The following TOP1MT variants were observed in gnomAD, a reference collection of about 807,000 sequenced individuals.
The protein encoded by TOP1MT is DNA topoisomerase I mitochondrial, also known as DNA topoisomerase I, mitochondrial.
A neutral mutation model predicts 73.9 loss-of-function variants in TOP1MT; 80 were observed. The observed-to-expected ratio is 1.08, with a 90% CI of 0.90 to 1.30. The LOEUF (loss-of-function observed/expected upper bound fraction) is 1.30, where lower values mean the gene tolerates loss of function less well. Ranked by LOEUF, TOP1MT falls within the 50% of genes most tolerant of loss-of-function variation. The pLI is 0.00. For missense variants in TOP1MT, 815 were observed against 808.0 expected, an observed-to-expected ratio of 1.01 and a Z score of -0.10; for synonymous variants, 338 against 326.4, an observed-to-expected ratio of 1.04 and a Z score of -0.38.
chr8:143,357,938 A>G (rs1817439441), upstream of TOP1MT, among the ~76,000 whole-genome samples: 1 of 151,634 alleles, frequency 6.6e-6, no homozygotes, highest in Non-Finnish European at 1.5e-5. Flanking sequence ...AAAAAAAAAA[A>G]TTAGCTGGGC....
At chr8:143,322,490 C>CACACAG (rs1491247392) in intron 7 of TOP1MT, among the ~76,000 whole-genome samples, 22 of 108,490 alleles carry the variant, frequency 2.0e-4, no homozygotes, top group South Asian at 1.1e-3. Context: ...GCACGCCACA[C>CACACAG]GCACGCCACA....
intron 7 of TOP1MT, among the ~76,000 whole-genome samples, chr8:143,323,066 AC>A (rs1816559324): frequency 1.9e-5 from 1 of 53,304 alleles, no homozygotes; most frequent in Non-Finnish European, 3.9e-5. Flanking sequence ...ACACAGGCAC[AC>A]CACACACGCA....
At position 143,325,541 on chromosome 8, in the gene TOP1MT, A is replaced by G. The variant is rs368971997; in HGVS notation, c.484-8T>C. 3.1e-6 allele frequency: 5 copies of G among 1,602,724 alleles called. No individual in the cohort carries two copies. The highest frequency in any genetic ancestry group is 4.3e-6 in the Non-Finnish European group (5 of 1,170,798). The stretch of plus-strand genomic sequence containing the variant: ...TGCCTCTTCTTTTAGCTTCTGAGTT[A>G]ATAAAACAGTCAGTGGACATTAGCA... On this transcript the variant is annotated splice_polypyrimidine_tract_variant and splice_region_variant and intron_variant, in intron 4 of 13. Coordinates refer to ENST00000329245, the MANE Select transcript of TOP1MT (RefSeq NM_052963.3).
At chr8:143,320,632 G>A (rs532142597) in intron 8 of TOP1MT, among the ~76,000 whole-genome samples, 7 of 152,066 alleles carry the variant, frequency 4.6e-5, no homozygotes, top group African/African-American at 7.2e-5. Context: ...AGAAAGAGTG[G>A]GCTGGGCCCT....
chr8:143,321,827 TAC>T (rs1424000315), intron 7 of TOP1MT, among the ~76,000 whole-genome samples: 148 of 5,656 alleles, frequency 0.026, 14 homozygotes, highest in Admixed American at 0.034. Context: ...ACACGCACGC[TAC>T]ACACACACGC....
At chr8:143,332,013 C>T (rs1816869229) in intron 1 of TOP1MT, among the ~76,000 whole-genome samples, 1 of 151,942 alleles carries the variant, frequency 6.6e-6, no homozygotes, top group Admixed American at 6.6e-5. Flanking sequence ...GCCAAGGTCC[C>T]CCTCCCCAGG....
upstream of TOP1MT, among the ~76,000 whole-genome samples, chr8:143,347,323 T>C (rs1199185626): frequency 6.6e-6 from 1 of 152,136 alleles, no homozygotes; most frequent in Non-Finnish European, 1.5e-5. Flanking sequence ...CCCAACAAAC[T>C]TTTTTGTATT....
intron 10 of TOP1MT, among the ~76,000 whole-genome samples, chr8:143,317,323 G>C (rs748614825): frequency 6.6e-6 from 1 of 152,174 alleles, no homozygotes; most frequent in Admixed American, 6.5e-5. Flanking sequence ...AGACAGGGCC[G>C]TGGACAGAGG....
upstream of TOP1MT, among the ~76,000 whole-genome samples, chr8:143,356,559 G>A (rs527890583): frequency 5.3e-5 from 8 of 151,692 alleles, no homozygotes; most frequent in South Asian, 6.3e-4. Flanking sequence ...AGGCTGAGGC[G>A]GGCGGATCAC....
At chr8:143,317,876 CG>C in intron 9 of TOP1MT, 39 bp from the exon 10 acceptor site, 1 of 1,606,382 alleles carries the variant, frequency 6.2e-7, no homozygotes, top group Non-Finnish European at 8.5e-7. Context: ...CGTGGTTTTG[CG>C]GGGCCGTCCC....
chr8:143,316,160 C>T (rs761986043), intron 10 of TOP1MT, 34 bp from the exon 11 acceptor site: 32 of 1,613,366 alleles, frequency 2.0e-5, no homozygotes, highest in Admixed American at 3.3e-5. Context: ...GCAGCACCCA[C>T]GGGGCCGGCC....
At chr8:143,317,120 G>A (rs1816187550) in intron 10 of TOP1MT, among the ~76,000 whole-genome samples, 1 of 152,250 alleles carries the variant, frequency 6.6e-6, no homozygotes, top group African/African-American at 2.4e-5. Flanking sequence ...TGCTTGGGGA[G>A]TGCGGTGGGC....
intron 13 of TOP1MT, 53 bp downstream of exon 13, chr8:143,310,015 A>C: frequency 6.2e-7 from 1 of 1,600,536 alleles, no homozygotes; most frequent in Non-Finnish European, 8.5e-7. Context: ...CTCCTGGAAA[A>C]CCCAGGCCCC....
intron 1 of TOP1MT, chr8:143,355,432 G>C (rs1362826567): frequency 6.6e-6 from 1 of 152,142 alleles, no homozygotes; most frequent in East Asian, 1.9e-4. Context: ...TCTTTTCTTT[G>C]TTCTGCGGGA....
chr8:143,352,077 T>C (rs990910393), intron 1 of TOP1MT, among the ~76,000 whole-genome samples: 2 of 152,234 alleles, frequency 1.3e-5, no homozygotes, highest in Non-Finnish European at 2.9e-5. Context: ...AGTGAAACTC[T>C]GTCTCAAAAT....
At chr8:143,313,250 CAAGA>C (rs1473162700) in intron 12 of TOP1MT, among the ~76,000 whole-genome samples, 1 of 152,156 alleles carries the variant, frequency 6.6e-6, no homozygotes, top group Non-Finnish European at 1.5e-5. Flanking sequence ...AGGACACCAA[CAAGA>C]AAGAAGAAAG....
chr8:143,317,693 G>T, intron 10 of TOP1MT, 30 bp downstream of exon 10: 1 of 1,585,866 alleles, frequency 6.3e-7, no homozygotes, highest in Non-Finnish European at 8.6e-7. Context: ...TGCTCCCCCC[G>T]CGCTGAGTGT....
chr8:143,333,861 G>A (rs744113), intron 1 of TOP1MT: 18,217 of 152,446 alleles, frequency 0.12, 3,655 homozygotes, highest in African/African-American at 0.41. Flanking sequence ...AGCTCCAAGC[G>A]CAGGCCAGAA....
Position 143,324,066 on chromosome 8 carries a change from C to T in TOP1MT, c.893G>A (p.Arg298Gln), listed in dbSNP as rs577773438. ...GFVDEIRSQY[R>Q]ADWKSREMKT... ...CATTTCCCGAGACTTCCAGTCAGCCCGGTACTGGGAGCGGATCTCGTCCAC... is the reference window on the plus strand; with the variant it reads ...CATTTCCCGAGACTTCCAGTCAGCCTGGTACTGGGAGCGGATCTCGTCCAC... The change falls in exon 7 of 14, where the codon CGG becomes CAG. Residue 298 changes from arginine (R) to glutamine (Q), a missense_variant. Physicochemically the swap from Arg to Gln is conservative, Grantham distance 43 (BLOSUM62 1). Transcript: ENST00000329245. 1.9e-5 allele frequency: 30 copies of T among 1,613,880 alleles called. No homozygotes were observed. Among genetic ancestry groups the T allele is most frequent in the Admixed American group, 1.3e-4 (8 of 60,026 alleles).
Sources: gnomAD v4.1 joint callset for allele counts (sites outside exome capture counted in the v4.1 genomes callset) on GRCh38, gnomAD v4.1.1 for gene constraint, MANE v1.5 for transcripts, NCBI Gene and HGNC (gene_info 2026-07-23, HGNC 2026-07-21) for gene names.